SLC37A1: variants seen among roughly 807,000 people sequenced by gnomAD.
SLC37A1 encodes solute carrier family 37 member 1.
Under a neutral mutation model 75.3 loss-of-function variants are expected in SLC37A1, and 49 were observed. The observed-to-expected ratio is 0.65, with a 90% CI of 0.52 to 0.83. The LOEUF (loss-of-function observed/expected upper bound fraction) is 0.83. Ranked by LOEUF, SLC37A1 falls within the 40% of genes least tolerant of loss-of-function variation. SLC37A1 has a pLI of 0.00. For missense variants in SLC37A1, 566 were observed against 695.0 expected, an observed-to-expected ratio of 0.81 and a Z score of 2.09; for synonymous variants, 268 against 292.1, an observed-to-expected ratio of 0.92 and a Z score of 0.84.
At position 42,580,663 on chromosome 21, in the gene SLC37A1, G is replaced by C; in HGVS notation, c.*303G>C. On this transcript the variant is annotated 3_prime_UTR_variant, in exon 20 of 20. Transcript: ENST00000352133. ...CATGCAGCCACCCAAATGCACGCGT[G>C]ACAACAAGGCCGGGAGGGTGGGGGG... 1 of 243,334 alleles carries C rather than the reference G, an allele frequency of 4.1e-6. No individual in the cohort carries two copies. Among genetic ancestry groups the C allele is most frequent in the Non-Finnish European group, 7.9e-6 (1 of 126,514 alleles). The allele number at this position is 243,334 out of a possible 1,614,324, so 15.1% of individuals were successfully genotyped here.
chr21:42,530,003 A>C (rs1383772113), intron 3 of SLC37A1, among the ~76,000 whole-genome samples: 1 of 152,196 alleles, frequency 6.6e-6, no homozygotes, highest in African/African-American at 2.4e-5. Context: ...CTTCATAAGC[A>C]TCTTTATGGC....
intron 2 of SLC37A1, among the ~76,000 whole-genome samples, chr21:42,505,623 G>T (rs1423945261): frequency 6.6e-6 from 1 of 152,172 alleles, no homozygotes. Context: ...GCCCCCAGCA[G>T]GTAGGGAGCC....
At chr21:42,554,984 T>TGG (rs1400248400) in intron 10 of SLC37A1, among the ~76,000 whole-genome samples, 48 of 95,160 alleles carry the variant, frequency 5.0e-4, no homozygotes, top group Non-Finnish European at 6.5e-4. Flanking sequence ...GGTTGGTTGT[T>TGG]TTTTTTTTTT....
chr21:42,559,702 C>A (rs1223217693), intron 11 of SLC37A1, among the ~76,000 whole-genome samples: 1 of 152,198 alleles, frequency 6.6e-6, no homozygotes, highest in Non-Finnish European at 1.5e-5. Flanking sequence ...ATGGCAAAAA[C>A]CGGTCTTTAC....
intron 8 of SLC37A1, among the ~76,000 whole-genome samples, chr21:42,544,693 G>A (rs1045660337): frequency 4.6e-5 from 7 of 152,200 alleles, no homozygotes; most frequent in African/African-American, 1.7e-4. Flanking sequence ...GATGGGTGGG[G>A]GTCTGGATCC....
chr21:42,572,794 GTT>G (rs2056216972), intron 17 of SLC37A1, among the ~76,000 whole-genome samples: 1 of 151,454 alleles, frequency 6.6e-6, no homozygotes, highest in Non-Finnish European at 1.5e-5. Context: ...CTCTGGGAAT[GTT>G]CTTCTCCTCC....
At chr21:42,559,781 C>T (rs980896984) in intron 11 of SLC37A1, among the ~76,000 whole-genome samples, 5 of 150,928 alleles carry the variant, frequency 3.3e-5, no homozygotes, top group African/African-American at 4.9e-5. Context: ...GAGGCTGAGG[C>T]GGGAGAATCG....
chr21:42,539,725 T>C, intron 6 of SLC37A1, 78 bp downstream of exon 6: 1 of 1,433,750 alleles, frequency 7.0e-7, no homozygotes, highest in Non-Finnish European at 9.4e-7. Flanking sequence ...TCACGTCACC[T>C]CTGTCAAGGT....
At position 42,574,849 on chromosome 21, in the gene SLC37A1, C is replaced by A. The variant is rs2056271460; in HGVS notation, c.1455C>A (p.Leu485=). 1 of 1,614,156 alleles carries A rather than the reference C, an allele frequency of 6.2e-7. No individual in the cohort carries two copies. The highest frequency in any genetic ancestry group is 8.5e-7 in the Non-Finnish European group (1 of 1,180,014). Residue 485 remains leucine (L), a synonymous_variant, in exon 18 of 20, where the codon CTC becomes CTA. Transcript: ENST00000352133. ...CCCTGGGCCCCCTGCTGGCTGGGCTCCTCTCCCCGTCCGGCTGGAGCAATG... is the reference window on the plus strand; with the variant it reads ...CCCTGGGCCCCCTGCTGGCTGGGCTACTCTCCCCGTCCGGCTGGAGCAATG... ...GAALGPLLAG[L]LSPSGWSNVF... is the part of the protein sequence containing the mutation.
At chr21:42,570,061 G>T (rs1245329005) in intron 17 of SLC37A1, among the ~76,000 whole-genome samples, 1 of 149,500 alleles carries the variant, frequency 6.7e-6, no homozygotes, top group Non-Finnish European at 1.5e-5. Context: ...GGCGGGCAGG[G>T]TGGCCGTTGC....
intron 14 of SLC37A1, 80 bp downstream of exon 14, chr21:42,564,873 A>C (rs991835388): frequency 1.6e-5 from 22 of 1,340,398 alleles, no homozygotes; most frequent in Non-Finnish European, 2.1e-5. Context: ...GCATCCTTCC[A>C]TCTGGCCCGT....
rs762513276 is a variant in SLC37A1 at position 42,579,814 on chromosome 21, G to A, written c.1586+14G>A. 13 of 1,613,730 alleles carry A rather than the reference G, an allele frequency of 8.1e-6. No homozygotes were observed. Among genetic ancestry groups the A allele is most frequent in the African/African-American group, 2.7e-5 (2 of 75,048 alleles). On this transcript the variant is annotated intron_variant, in intron 19 of 19. Coordinates refer to ENST00000352133, the MANE Select transcript of SLC37A1 (RefSeq NM_001320537.2). ...GGACCAAGTTCCGTAAGTCCCACTC[G>A]GGCCCTGTCTCCGTGCGTGAAAGCC...
In SLC37A1 at chr21:42,545,015, T is replaced by C. The variant is rs996093272; in HGVS notation, c.730+1413T>C. Among the ~76,000 whole-genome samples, 5 of 152,192 alleles carry C rather than the reference T, an allele frequency of 3.3e-5. No homozygotes were observed. The highest frequency in any genetic ancestry group is 7.3e-5 in the Non-Finnish European group (5 of 68,032). On this transcript the variant is annotated intron_variant, in intron 8 of 19. Transcript: ENST00000352133. This position sits in a 1 kb window ranked among gnomAD's most constrained non-coding sequence, Gnocchi z 4.0. ...GTGGAAGGGAAAGGAGCTTGCTCAA[T>C]GGCCGGGACCTCAGCACCCGCTCCA...
chr21:42,572,693 AGT>A (rs1271134654), intron 17 of SLC37A1, among the ~76,000 whole-genome samples: 10,213 of 143,920 alleles, frequency 0.071, 666 homozygotes, highest in Non-Finnish European at 0.12. Flanking sequence ...AAAAAAAAAG[AGT>A]GTGTCCTGAG....
chr21:42,565,736 C>A, intron 14 of SLC37A1, 91 bp from the exon 15 acceptor site: 1 of 1,228,108 alleles, frequency 8.1e-7, no homozygotes, highest in Non-Finnish European at 1.2e-6. Context: ...GCCTGAGAAT[C>A]ACCCGCCGGG....
intron 17 of SLC37A1, among the ~76,000 whole-genome samples, chr21:42,574,063 A>G (rs1255006210): frequency 6.6e-6 from 1 of 152,044 alleles, no homozygotes; most frequent in Non-Finnish European, 1.5e-5. Flanking sequence ...GCACACACAC[A>G]TGCATAATTT....
intron 2 of SLC37A1, among the ~76,000 whole-genome samples, chr21:42,505,384 C>T (rs1390135901): frequency 6.6e-6 from 1 of 152,176 alleles, no homozygotes; most frequent in Non-Finnish European, 1.5e-5. Context: ...ACACCTTCCA[C>T]TCTTCTTTTG....
intron 17 of SLC37A1, among the ~76,000 whole-genome samples, chr21:42,570,020 C>CCATGT (rs768367991): frequency 8.4e-4 from 95 of 112,434 alleles, no homozygotes; most frequent in African/African-American, 2.2e-3. Context: ...GTGGCCGTTG[C>CCATGT]CATGTGACAC....
chr21:42,554,255 G>A (rs963926384), intron 10 of SLC37A1, 113 bp downstream of exon 10: 15 of 890,896 alleles, frequency 1.7e-5, no homozygotes, highest in Non-Finnish European at 2.5e-5. Context: ...CAAACATCCA[G>A]GTCTTAAAAA....
Sources: allele counts gnomAD v4.1 joint callset (sites outside exome capture counted in the v4.1 genomes callset), GRCh38; gene constraint gnomAD v4.1.1; non-coding constraint Gnocchi (gnomAD v3.1); transcripts MANE v1.5; gene names NCBI Gene and HGNC (gene_info 2026-07-23, HGNC 2026-07-21).